Variants in SDK2 observed in about 807,000 individuals in gnomAD.
SDK2 encodes sidekick cell adhesion molecule 2.
In SDK2, 105 loss-of-function variants were observed where a neutral mutation model predicts 253.9. The ratio of observed to expected loss-of-function variants is 0.41; its 90% CI spans 0.35 to 0.49. SDK2 has a LOEUF of 0.49. SDK2 is among the 20% of genes least tolerant of loss of function. The pLI, the probability that SDK2 is intolerant of heterozygous loss-of-function variation, is 0.06. For synonymous variants in SDK2, 1,249 were observed against 1,234.9 expected (o/e 1.01, Z -0.24); for missense variants, 2,608 against 3,003.0 (o/e 0.87, Z 3.07).
At chr17:73,483,209 C>T (rs946134599) in intron 2 of SDK2, among the ~76,000 whole-genome samples, 9 of 151,360 alleles carry the variant, frequency 5.9e-5, no homozygotes, top group African/African-American at 1.9e-4. Context: ...TGCCTTGATG[C>T]AGGAGCTGTG....
chr17:73,357,573 C>G (rs772544733), intron 40 of SDK2: 1 of 257,700 alleles, frequency 3.9e-6, no homozygotes, highest in Non-Finnish European at 7.5e-6. Context: ...TGGGGAGCAG[C>G]CCCCCGACTG....
chr17:73,553,170 C>A (rs549332531), intron 1 of SDK2, among the ~76,000 whole-genome samples: 1 of 152,202 alleles, frequency 6.6e-6, no homozygotes, highest in African/African-American at 2.4e-5. Context: ...CATGGAAGCA[C>A]CTTCTGGGGT....
rs932221269 is a variant in SDK2, at chr17:73,511,140, C to T, written c.65-3543G>A. The stretch of plus-strand genomic sequence containing the variant: ...TACTTCAAAGGCGCATTCATATTCT[C>T]CAGCAGCTTTCAAGAGCCCTTTGAA... On this transcript the variant is annotated intron_variant, in intron 1 of 44. Transcript: ENST00000392650. This position sits in a 1 kb window ranked among gnomAD's most constrained non-coding sequence, Gnocchi z 4.9. 1.3e-5 allele frequency among the ~76,000 whole-genome samples: 2 copies of T among 152,204 alleles called. No homozygotes were observed. Among genetic ancestry groups the T allele is most frequent in the African/African-American group, 4.8e-5 (2 of 41,448 alleles).
intron 2 of SDK2, among the ~76,000 whole-genome samples, chr17:73,506,576 CA>C (rs2063937377): frequency 6.6e-6 from 1 of 152,228 alleles, no homozygotes; most frequent in Non-Finnish European, 1.5e-5. Context: ...CTGTCCCTGG[CA>C]GCAGATTTGT....
At position 73,395,909 on chromosome 17, in the gene SDK2, TC is replaced by T. The variant is rs2062967583; in HGVS notation, c.3355-518del. On this transcript the variant is annotated intron_variant, in intron 24 of 44. Coordinates refer to ENST00000392650, the MANE Select transcript of SDK2 (RefSeq NM_001144952.2). This position sits in a 1 kb window ranked among gnomAD's most constrained non-coding sequence, Gnocchi z 4.3. ...AGCCTCTCCTGCTGCATTTTCAGCCTCCTTTTTCTTTTCTTTTTTTTTTTTA... is the reference window on the plus strand; with the variant it reads ...AGCCTCTCCTGCTGCATTTTCAGCCTCTTTTTCTTTTCTTTTTTTTTTTTA... Among the ~76,000 whole-genome samples the T allele has an allele frequency of 6.6e-6, 1 of 150,418 alleles. No individual in the cohort carries two copies. The highest frequency in any genetic ancestry group is 2.5e-5 in the African/African-American group (1 of 40,744).
chr17:73,582,483 G>T (rs1346063290), intron 1 of SDK2, among the ~76,000 whole-genome samples: 1 of 152,216 alleles, frequency 6.6e-6, no homozygotes, highest in African/African-American at 2.4e-5. Context: ...AGAGCCTGTG[G>T]CTGTGACAAT....
At chr17:73,415,521 A>AT (rs1271278120) in intron 17 of SDK2, among the ~76,000 whole-genome samples, 5 of 151,798 alleles carry the variant, frequency 3.3e-5, no homozygotes, top group East Asian at 3.9e-4. Context: ...AGTTCTGTTC[A>AT]TTTTTTGTAG....
In SDK2 at chr17:73,405,514, ATAT is replaced by A. The variant is rs1568385815; in HGVS notation, c.2485-3376_2485-3374del. On this transcript the variant is annotated intron_variant, in intron 18 of 44. Coordinates refer to ENST00000392650, the MANE Select transcript of SDK2 (RefSeq NM_001144952.2). ...TATATATATATATATATATATATAT[ATAT>A]AAAGATCGAGAATGTGGAAAGTACA... 6.0e-3 allele frequency among the ~76,000 whole-genome samples: 509 copies of A among 84,658 alleles called. 92 individuals carry two copies. The highest frequency in any genetic ancestry group is 0.012 in the Middle Eastern group (2 of 164). The allele number at this position is 84,658 out of a possible 152,430, so 55.5% of individuals were successfully genotyped here. A position where few individuals can be genotyped will look rare whatever the true frequency, so the allele number is the denominator to read the frequency against.
chr17:73,476,984 G>A (rs1445555324), intron 2 of SDK2, among the ~76,000 whole-genome samples: 1 of 152,200 alleles, frequency 6.6e-6, no homozygotes, highest in Non-Finnish European at 1.5e-5. Context: ...CTGCCTGGGA[G>A]ACCTATTTCT....
At chr17:73,362,017 T>C (rs1403468060) in intron 38 of SDK2, among the ~76,000 whole-genome samples, 172 bp from the exon 39 acceptor site, 1 of 152,178 alleles carries the variant, frequency 6.6e-6, no homozygotes, top group Non-Finnish European at 1.5e-5. Flanking sequence ...TTGCCCATGC[T>C]GTGTTTCTCA....
chr17:73,354,993 T>G (rs1250398786), intron 40 of SDK2, among the ~76,000 whole-genome samples: 1 of 151,214 alleles, frequency 6.6e-6, no homozygotes, highest in Non-Finnish European at 1.5e-5. Context: ...TGGTGGGAAC[T>G]GCTGAGGGGG....
At chr17:73,355,174 A>ATATATTTTTTTTTTT in intron 40 of SDK2, among the ~76,000 whole-genome samples, 1 of 47,224 alleles carries the variant, frequency 2.1e-5, no homozygotes, top group Non-Finnish European at 3.4e-5. Context: ...ATATATATAT[A>ATATATTTTTTTTTTT]TTTTTTTTTT....
intron 18 of SDK2, among the ~76,000 whole-genome samples, chr17:73,409,853 G>GTCTCTGTCTC (rs111259331): frequency 0.035 from 5,301 of 151,968 alleles, 211 homozygotes; most frequent in East Asian, 0.15. Context: ...GTCTGTCTCT[G>GTCTCTGTCTC]TCTCTCTCTT....
At chr17:73,339,280 A>C (rs1438430977) in intron 44 of SDK2, among the ~76,000 whole-genome samples, 1 of 147,362 alleles carries the variant, frequency 6.8e-6, no homozygotes, top group Non-Finnish European at 1.5e-5. Context: ...AGGCTGGAGT[A>C]CATTGGCATG....
chr17:73,495,091 T>A (rs2145735551), intron 2 of SDK2, among the ~76,000 whole-genome samples: 1 of 152,252 alleles, frequency 6.6e-6, no homozygotes, highest in Admixed American at 6.5e-5. Context: ...AGGAAGCGCC[T>A]TCTAGTTGAA....
chr17:73,590,647 C>T (rs2145898210), intron 1 of SDK2, among the ~76,000 whole-genome samples: 1 of 152,304 alleles, frequency 6.6e-6, no homozygotes, highest in South Asian at 2.1e-4. Context: ...GCATGGCCAA[C>T]CCGGAGAGTC....
chr17:73,368,144 G>T (rs540361656), intron 37 of SDK2, among the ~76,000 whole-genome samples: 2 of 152,038 alleles, frequency 1.3e-5, no homozygotes, highest in African/African-American at 4.8e-5. Context: ...CTGACTGTCC[G>T]TCTGCAAGGC....
Position 73,415,783 on chromosome 17 carries a change from CTGGTCTGAGACCACA to C in SDK2, c.2368+13_2368+27del, listed in dbSNP as rs1278490150. 43 of 1,542,652 alleles carry C rather than the reference CTGGTCTGAGACCACA, an allele frequency of 2.8e-5. No individual in the cohort carries two copies. The highest frequency in any genetic ancestry group is 3.7e-5 in the Non-Finnish European group (42 of 1,139,810). On this transcript the variant is annotated intron_variant, in intron 17 of 44. Coordinates refer to ENST00000392650, the MANE Select transcript of SDK2 (RefSeq NM_001144952.2). Reference sequence around the variant, plus strand: ...GGATTACACGCATGAGCCACCGCGCCTGGTCTGAGACCACAGTCTCTACCTACCTCCCTGCAGCGT... The same window carrying C: ...GGATTACACGCATGAGCCACCGCGCCGTCTCTACCTACCTCCCTGCAGCGT...
chr17:73,593,545 G>T (rs372139675), intron 1 of SDK2, among the ~76,000 whole-genome samples: 53 of 152,156 alleles, frequency 3.5e-4, no homozygotes, highest in African/African-American at 1.3e-3. Context: ...AGACCCAGAG[G>T]CAGAACACCT....
Sources: gnomAD v4.1 joint callset for allele counts (sites outside exome capture counted in the v4.1 genomes callset) on GRCh38, gnomAD v4.1.1 for gene constraint, Gnocchi (gnomAD v3.1) non-coding constraint, MANE v1.5 for transcripts, NCBI Gene and HGNC (gene_info 2026-07-23, HGNC 2026-07-21) for gene names.